PTGFR: variants seen among roughly 807,000 people sequenced by gnomAD.
PTGFR encodes the protein prostaglandin F2-alpha receptor.
A neutral mutation model predicts 26.2 loss-of-function variants in PTGFR; 15 were observed. The observed-to-expected ratio is 0.57, with a 90% CI of 0.38 to 0.88. The LOEUF is 0.88. PTGFR is among the 40% of genes least tolerant of loss of function. The pLI is 0.00. For missense variants in PTGFR, 369 were observed against 427.2 expected, an observed-to-expected ratio of 0.86 and a Z score of 1.20; for synonymous variants, 165 against 151.1, an observed-to-expected ratio of 1.09 and a Z score of -0.68.
intron 2 of PTGFR, among the ~76,000 whole-genome samples, chr1:78,510,700 A>C (rs1390099663): frequency 6.6e-6 from 1 of 151,982 alleles, no homozygotes; most frequent in Non-Finnish European, 1.5e-5. Context: ...CAATCCCCTC[A>C]CAGTACTGCT....
intron 2 of PTGFR, among the ~76,000 whole-genome samples, chr1:78,529,734 A>G (rs1308540078): frequency 6.6e-6 from 1 of 152,182 alleles, no homozygotes; most frequent in Non-Finnish European, 1.5e-5. Context: ...ATATTAGTCT[A>G]AAGCAGGGGT....
chr1:78,521,243 C>T (rs1251057395), intron 2 of PTGFR, among the ~76,000 whole-genome samples: 1 of 152,102 alleles, frequency 6.6e-6, no homozygotes, highest in African/African-American at 2.4e-5. Context: ...AAGAGAAATT[C>T]TCCTTGGCAA....
chr1:78,500,348 A>G (rs1251379804), intron 2 of PTGFR, among the ~76,000 whole-genome samples: 1 of 152,206 alleles, frequency 6.6e-6, no homozygotes, highest in Admixed American at 6.5e-5. Context: ...TTTTTAGTGG[A>G]CACTGTGGTA....
At chr1:78,522,973 A>G (rs1429761750) in intron 2 of PTGFR, among the ~76,000 whole-genome samples, 2 of 152,126 alleles carry the variant, frequency 1.3e-5, no homozygotes, top group Non-Finnish European at 2.9e-5. Context: ...TAACCAAACT[A>G]AAACACTTTT....
At chr1:78,532,431 T>C (rs1259111495) in intron 2 of PTGFR, 1 of 123,430 alleles carries the variant, frequency 8.1e-6, no homozygotes, top group Admixed American at 7.5e-5. Flanking sequence ...TGTATATATG[T>C]GTATATATTT....
At chr1:78,513,959 G>T (rs1284054616) in intron 2 of PTGFR, among the ~76,000 whole-genome samples, 1 of 152,254 alleles carries the variant, frequency 6.6e-6, no homozygotes, top group Non-Finnish European at 1.5e-5. Flanking sequence ...CAAAAGTGAA[G>T]GAGGTTTGGT....
At chr1:78,510,823 T>C (rs565359801) in intron 2 of PTGFR, among the ~76,000 whole-genome samples, 1 of 152,206 alleles carries the variant, frequency 6.6e-6, no homozygotes, top group South Asian at 2.1e-4. Context: ...AAAGAAAAGA[T>C]ACAATGGTGG....
chr1:78,499,862 C>T (rs1649657670), intron 2 of PTGFR, among the ~76,000 whole-genome samples: 2 of 152,106 alleles, frequency 1.3e-5, no homozygotes, highest in Admixed American at 6.6e-5. Context: ...CTTTACTCTA[C>T]ATTATTAGTT....
chr1:78,494,600 T>TTTTGTTTG (rs145200664), intron 2 of PTGFR, among the ~76,000 whole-genome samples: 35 of 152,106 alleles, frequency 2.3e-4, no homozygotes, highest in Non-Finnish European at 3.8e-4. Context: ...AGTGCAGGTT[T>TTTTGTTTG]TTTGTTTGTT....
chr1:78,506,213 T>C (rs145045111), intron 2 of PTGFR, among the ~76,000 whole-genome samples: 7 of 152,104 alleles, frequency 4.6e-5, no homozygotes, highest in African/African-American at 7.2e-5. Flanking sequence ...CTCTTTTTAT[T>C]TATATTTATA....
chr1:78,497,812 C>A, intron 2 of PTGFR: 1 of 1,110,984 alleles, frequency 9.0e-7, no homozygotes, highest in Non-Finnish European at 1.4e-6. Flanking sequence ...AGACTTAGGA[C>A]GCTATTAAAC....
chr1:78,506,587 T>G (rs1334431255), intron 2 of PTGFR, among the ~76,000 whole-genome samples: 1 of 152,042 alleles, frequency 6.6e-6, no homozygotes, highest in Non-Finnish European at 1.5e-5. Flanking sequence ...GTTTGTTTGA[T>G]TTTTTTACCT....
In PTGFR at chr1:78,536,699, A is replaced by G. The variant is rs367969063; in HGVS notation, c.*12A>G. 12 of 1,604,702 alleles carry G rather than the reference A, an allele frequency of 7.5e-6. No homozygotes were observed. Among genetic ancestry groups the G allele is most frequent in the Non-Finnish European group, 8.5e-6 (10 of 1,175,896 alleles). On this transcript the variant is annotated 3_prime_UTR_variant, in exon 3 of 3. Coordinates refer to ENST00000370757, the MANE Select transcript of PTGFR (RefSeq NM_000959.4). The stretch of plus-strand genomic sequence containing the variant: ...CAGCAAGCACCTAGCTTAATAGGAC[A>G]GTAAATCTGTGTGGGGCTAGAACAA...
chr1:78,492,821 C>T lies in PTGFR; in HGVS notation c.78C>T (p.Asn26=), dbSNP rs776000393. 15 of 1,614,074 alleles carry T rather than the reference C, an allele frequency of 9.3e-6. No individual in the cohort carries two copies. Among genetic ancestry groups the T allele is most frequent in the Non-Finnish European group, 1.1e-5 (13 of 1,180,044 alleles). Residue 26 remains asparagine, a synonymous_variant, in exon 2 of 3, where the codon AAC becomes AAT. Transcript: ENST00000370757. ...CAAACACAACCTGCCAGACGGAAAA[C>T]CGGCTTTCCGTATTTTTTTCAGTAA... The part of the protein sequence containing the change: ...LLSNTTCQTE[N]RLSVFFSVIF...
intron 2 of PTGFR, among the ~76,000 whole-genome samples, chr1:78,513,539 G>A (rs1272460163): frequency 1.3e-5 from 2 of 152,200 alleles, no homozygotes; most frequent in East Asian, 1.9e-4. Context: ...AGATAGAGAA[G>A]CAAAGGAATG....
rs1488504215 is a variant in PTGFR at position 78,540,144 on chromosome 1, A to C, written c.*3457A>C. On this transcript the variant is annotated 3_prime_UTR_variant, in exon 3 of 3. Transcript: ENST00000370757. ...TCACTCAGAGAACTCAGGTGAAAAA[A>C]CAGCCACCATTATATGTGGCTGTTT... Among the ~76,000 whole-genome samples, 1 of 152,074 alleles carries C rather than the reference A, an allele frequency of 6.6e-6. No homozygotes were observed. Among genetic ancestry groups the C allele is most frequent in the Non-Finnish European group, 1.5e-5 (1 of 68,010 alleles).
intron 2 of PTGFR, among the ~76,000 whole-genome samples, chr1:78,510,249 T>G: frequency 6.6e-6 from 1 of 152,154 alleles, no homozygotes; most frequent in East Asian, 1.9e-4. Flanking sequence ...TAGAAAGGAA[T>G]TATTGAGACT....
At chr1:78,511,941 T>C (rs1427865546) in intron 2 of PTGFR, among the ~76,000 whole-genome samples, 1 of 152,202 alleles carries the variant, frequency 6.6e-6, no homozygotes, top group Non-Finnish European at 1.5e-5. Flanking sequence ...AAATTCAAAC[T>C]TCCACAGATC....
At chr1:78,494,853 C>T (rs905568995) in intron 2 of PTGFR, among the ~76,000 whole-genome samples, 9 of 152,200 alleles carry the variant, frequency 5.9e-5, no homozygotes, top group African/African-American at 1.7e-4. Flanking sequence ...ATCCTTCCGC[C>T]TCGGCCTCCC....
Sources: allele counts gnomAD v4.1 joint callset (sites outside exome capture counted in the v4.1 genomes callset), GRCh38; gene constraint gnomAD v4.1.1; transcripts MANE v1.5; gene names NCBI Gene and HGNC (gene_info 2026-07-23, HGNC 2026-07-21).